Variants in TMEM132B observed in about 807,000 individuals in gnomAD.
The protein encoded by TMEM132B is transmembrane protein 132B.
A neutral mutation model predicts 90.8 loss-of-function variants in TMEM132B; 18 were observed. The observed-to-expected ratio is 0.20, with a 90% confidence interval of 0.14 to 0.29. The LOEUF (loss-of-function observed/expected upper bound fraction) is 0.29. Ranked by LOEUF, TMEM132B falls within the 10% of genes least tolerant of loss-of-function variation. TMEM132B has a pLI of 1.00. For synonymous variants in TMEM132B, 504 were observed against 523.3 expected (o/e 0.96, Z 0.50); for missense variants, 1,096 against 1,326.8 (o/e 0.83, Z 2.70).
At chr12:125,549,185 A>G (rs987014660) in intron 4 of TMEM132B, among the ~76,000 whole-genome samples, 1 of 152,204 alleles carries the variant, frequency 6.6e-6, no homozygotes, top group South Asian at 2.1e-4. Flanking sequence ...ATCATTGTGG[A>G]GATAAATTAT....
intron 1 of TMEM132B, among the ~76,000 whole-genome samples, chr12:125,262,394 T>TA (rs963922280): frequency 1.1e-4 from 17 of 151,174 alleles, no homozygotes; most frequent in South Asian, 1.0e-3. Flanking sequence ...GGGGCCAACA[T>TA]AAAAAAAAAT....
At chr12:125,431,164 T>C (rs11058166) in intron 3 of TMEM132B, among the ~76,000 whole-genome samples, 25,839 of 152,070 alleles carry the variant, frequency 0.17, 2,758 homozygotes, top group East Asian at 0.29. Flanking sequence ...AGGGAAGTGA[T>C]GTGATCTACT....
At chr12:125,507,042 A>T (rs1200206841) in intron 3 of TMEM132B, among the ~76,000 whole-genome samples, 1 of 152,216 alleles carries the variant, frequency 6.6e-6, no homozygotes, top group African/African-American at 2.4e-5. Context: ...TCATGCTCCT[A>T]TGGAAGGTAA....
chr12:125,494,621 C>T (rs973100910), intron 3 of TMEM132B, among the ~76,000 whole-genome samples: 1 of 134,196 alleles, frequency 7.5e-6, no homozygotes, highest in Non-Finnish European at 1.6e-5. Context: ...CGTCCCTCCT[C>T]CCCCTCCTCC....
rs139867089 is a variant in TMEM132B, at chr12:125,406,736, A to G, written c.960-8795A>G. Reference sequence around the variant, plus strand: ...ACTGGAAAGCTGGGAAGGTCTCAAGACCACCCTCACTTCTGATGCCATCTG... The same window carrying G: ...ACTGGAAAGCTGGGAAGGTCTCAAGGCCACCCTCACTTCTGATGCCATCTG... On this transcript the variant is annotated intron_variant, in intron 2 of 8. Coordinates refer to ENST00000682704, the MANE Select transcript of TMEM132B (RefSeq NM_001366854.1). This position sits in a 1 kb window ranked among gnomAD's most constrained non-coding sequence, Gnocchi z 8.3. 3.3e-5 allele frequency among the ~76,000 whole-genome samples: 5 copies of G among 152,282 alleles called. No homozygotes were observed. In the East Asian group the frequency reaches 9.6e-4, roughly 29 times the overall value.
At chr12:125,352,564 G>C (rs1191807005) in intron 2 of TMEM132B, among the ~76,000 whole-genome samples, 1 of 152,210 alleles carries the variant, frequency 6.6e-6, no homozygotes, top group East Asian at 1.9e-4. Flanking sequence ...CTATCTCCTG[G>C]GGTGGTGGTA....
intron 2 of TMEM132B, among the ~76,000 whole-genome samples, chr12:125,362,623 G>T (rs571126802): frequency 6.6e-6 from 1 of 152,106 alleles, no homozygotes. Context: ...ATTTCTCCCT[G>T]CCCCTTGGCT....
At chr12:125,619,004 A>G (rs1341352550) in intron 5 of TMEM132B, among the ~76,000 whole-genome samples, 2 of 152,334 alleles carry the variant, frequency 1.3e-5, no homozygotes, top group South Asian at 2.1e-4. Context: ...GGCAGCAAGC[A>G]TTCTGCTCCT....
intron 3 of TMEM132B, among the ~76,000 whole-genome samples, chr12:125,516,130 C>T (rs1336464310): frequency 6.6e-6 from 1 of 151,480 alleles, no homozygotes; most frequent in Non-Finnish European, 1.5e-5. Context: ...CTATCGCAAT[C>T]TCACACACAC....
intron 1 of TMEM132B, among the ~76,000 whole-genome samples, chr12:125,219,813 GT>G (rs1873518347): frequency 6.6e-6 from 1 of 152,194 alleles, no homozygotes; most frequent in South Asian, 2.1e-4. Flanking sequence ...GATCCATTCA[GT>G]GGGCACCCTA....
At chr12:125,389,593 A>G (rs1162106329) in intron 2 of TMEM132B, among the ~76,000 whole-genome samples, 1 of 152,112 alleles carries the variant, frequency 6.6e-6, no homozygotes, top group African/African-American at 2.4e-5. Context: ...TGGAGTTGTT[A>G]TGATAATTAA....
chr12:125,600,192 T>C lies in TMEM132B; in HGVS notation c.1437+16198T>C, dbSNP rs144859856. On this transcript the variant is annotated intron_variant, in intron 5 of 8. Transcript: ENST00000682704. ...AAAGAGCCCTTGAAGAATTCTCTTC[T>C]GTCTATCCAAGACACAGAAAACACT... 1.4e-4 allele frequency among the ~76,000 whole-genome samples: 21 copies of C among 152,328 alleles called. No individual in the cohort carries two copies. In the East Asian group the frequency reaches 2.9e-3, roughly 21 times the overall value.
At chr12:125,392,064 G>A (rs1879040908) in intron 2 of TMEM132B, among the ~76,000 whole-genome samples, 1 of 152,182 alleles carries the variant, frequency 6.6e-6, no homozygotes, top group South Asian at 2.1e-4. Flanking sequence ...ACTGTGCCCG[G>A]CCTTAGTTTT....
rs1436141619 is a variant in TMEM132B, at chr12:125,432,429, G to A, written c.1106+16752G>A. 1.6e-4 allele frequency among the ~76,000 whole-genome samples: 10 copies of A among 64,200 alleles called. 2 individuals carry two copies. The highest frequency in any genetic ancestry group is 3.0e-4 in the Non-Finnish European group (9 of 29,866). The allele number at this position is 64,200 out of a possible 152,430, so 42.1% of individuals were successfully genotyped here. A position where few individuals can be genotyped will look rare whatever the true frequency, so the allele number is the denominator to read the frequency against. On this transcript the variant is annotated intron_variant, in intron 3 of 8. Transcript: ENST00000682704. The stretch of plus-strand genomic sequence containing the variant: ...TATGTGTATATATATATATGTATGT[G>A]TATATATATGTATGTGTATATATAT...
intron 5 of TMEM132B, among the ~76,000 whole-genome samples, chr12:125,604,882 A>G (rs967635652): frequency 2.0e-5 from 3 of 152,236 alleles, no homozygotes; most frequent in Non-Finnish European, 2.9e-5. Flanking sequence ...GCATGTAGCC[A>G]GGTTCCATGA....
At chr12:125,308,989 A>G (rs1318276297) in intron 1 of TMEM132B, among the ~76,000 whole-genome samples, 1 of 152,204 alleles carries the variant, frequency 6.6e-6, no homozygotes, top group Admixed American at 6.5e-5. Flanking sequence ...TTCAGCCAAC[A>G]ATATATTCTG....
chr12:125,570,896 G>A (rs988162672), intron 4 of TMEM132B, among the ~76,000 whole-genome samples: 2 of 152,250 alleles, frequency 1.3e-5, no homozygotes, highest in African/African-American at 2.4e-5. Context: ...AGGCCTTGGG[G>A]TTGTGGGCCA....
intron 5 of TMEM132B, among the ~76,000 whole-genome samples, chr12:125,620,838 A>G (rs980932835): frequency 1.3e-5 from 2 of 152,218 alleles, no homozygotes; most frequent in African/African-American, 4.8e-5. Context: ...TTACTATCAC[A>G]AGAATAGCAG....
chr12:125,316,020 T>C lies in TMEM132B; in HGVS notation c.68-33432T>C, dbSNP rs533410439. Among the ~76,000 whole-genome samples the C allele has an allele frequency of 1.1e-3, 161 of 152,286 alleles. 2 individuals carry two copies. Among genetic ancestry groups the C allele is most frequent in the Middle Eastern group, 6.8e-3 (2 of 294 alleles). On this transcript the variant is annotated intron_variant, in intron 1 of 8. Transcript: ENST00000682704. ...GCTTTTCTGGGGACACAGGTGGTCT[T>C]AGAGTAGCAGAGTTTGTCCTGGATA...
Sources: allele counts gnomAD v4.1 joint callset (sites outside exome capture counted in the v4.1 genomes callset), GRCh38; gene constraint gnomAD v4.1.1; non-coding constraint Gnocchi (gnomAD v3.1); transcripts MANE v1.5; gene names NCBI Gene and HGNC (gene_info 2026-07-23, HGNC 2026-07-21).